PCDHA1: variants seen among roughly 807,000 people sequenced by gnomAD.
PCDHA1 encodes the protein protocadherin alpha-1.
PCDHA1 carries 42 observed loss-of-function variants against 61.3 expected under a neutral mutation model. That is an observed-to-expected ratio of 0.69 (90% CI 0.54 to 0.89). The LOEUF (loss-of-function observed/expected upper bound fraction) is 0.89. Ranked by LOEUF, PCDHA1 falls within the 40% of genes least tolerant of loss-of-function variation. PCDHA1 has a pLI of 0.00. For missense variants in PCDHA1, 1,256 were observed against 1,235.3 expected, an observed-to-expected ratio of 1.02 and a Z score of -0.25; for synonymous variants, 610 against 553.8, an observed-to-expected ratio of 1.10 and a Z score of -1.43.
At chr5:140,848,972 T>G in intron 1 of PCDHA1, 3 of 1,601,076 alleles carry the variant, frequency 1.9e-6, no homozygotes, top group Non-Finnish European at 2.6e-6. Context: ...GCGCGTCCGA[T>G]GCAGATATCG....
chr5:140,997,668 T>TGTGTG (rs2097778571), intron 3 of PCDHA1, among the ~76,000 whole-genome samples: 1 of 148,244 alleles, frequency 6.7e-6, no homozygotes, highest in African/African-American at 2.5e-5. Flanking sequence ...ATTATACAGC[T>TGTGTG]TGTGTGTGTG....
intron 1 of PCDHA1, among the ~76,000 whole-genome samples, chr5:140,846,505 G>A (rs1780519041): frequency 6.8e-6 from 1 of 146,968 alleles, no homozygotes; most frequent in Non-Finnish European, 1.5e-5. Flanking sequence ...CTCCCAAGTA[G>A]CTGGGATTAC....
rs2150240828 is a variant in PCDHA1 at position 140,835,651 on chromosome 5, T to C, written c.2394+46967T>C. The C allele has an allele frequency of 5.0e-6, 8 of 1,613,900 alleles. No individual in the cohort carries two copies. The Admixed American group carries it at 6.7e-5, about 13-fold the overall frequency. On this transcript the variant is annotated intron_variant, in intron 1 of 3. Transcript: ENST00000504120. ...CGCGAGAGTGTGTCCGCCTATGAGC[T>C]GGTGGTTACCGCGCGGGACGGGGGC...
chr5:140,862,449 G>A (rs904755604), intron 1 of PCDHA1: 31 of 364,384 alleles, frequency 8.5e-5, no homozygotes, highest in African/African-American at 6.4e-4. Context: ...ACTCCACAGC[G>A]CCCTGGACCA....
intron 1 of PCDHA1, chr5:140,881,383 G>C: frequency 1.0e-6 from 1 of 984,330 alleles, no homozygotes; most frequent in Non-Finnish European, 1.2e-6. Flanking sequence ...AGCCGGCGGC[G>C]GTAAGTTAAA....
chr5:140,908,778 C>G (rs1452710808), intron 1 of PCDHA1, among the ~76,000 whole-genome samples: 1 of 152,184 alleles, frequency 6.6e-6, no homozygotes, highest in Non-Finnish European at 1.5e-5. Flanking sequence ...GTAGAGTCTT[C>G]TCCTGTTCTG....
chr5:140,795,005 G>T (rs782163848), intron 1 of PCDHA1: 2 of 1,613,744 alleles, frequency 1.2e-6, no homozygotes, highest in Non-Finnish European at 1.7e-6. Flanking sequence ...GCCTGGACAC[G>T]GCTGCTCTCG....
At chr5:140,830,299 G>A (rs2150184675) in intron 1 of PCDHA1, 1 of 1,613,920 alleles carries the variant, frequency 6.2e-7, no homozygotes, top group South Asian at 1.1e-5. Context: ...CGGCGGACAA[G>A]CCCACGCTGG....
rs1349053689 is a variant in PCDHA1 at position 140,855,989 on chromosome 5, A to C, written c.2394+67305A>C. The C allele has an allele frequency of 3.4e-6, 5 of 1,484,810 alleles. No homozygotes were observed. The African/African-American group carries it at 7.0e-5, about 21-fold the overall frequency. The allele number at this position is 1,484,810 out of a possible 1,614,324, so 92.0% of individuals were successfully genotyped here. ...TATAAGAAATAGGACAGAAAATGTCAGATCGTATGTGCGTTCTAGACCGCT... is the reference window on the plus strand; with the variant it reads ...TATAAGAAATAGGACAGAAAATGTCCGATCGTATGTGCGTTCTAGACCGCT... On this transcript the variant is annotated intron_variant, in intron 1 of 3. Transcript: ENST00000504120.
chr5:140,838,953 TA>T (rs1215369641), intron 1 of PCDHA1, among the ~76,000 whole-genome samples: 1 of 151,860 alleles, frequency 6.6e-6, no homozygotes, highest in Non-Finnish European at 1.5e-5. Flanking sequence ...TAAAATAAAA[TA>T]AAAACCCAGA....
At chr5:140,964,212 A>G (rs1195642946) in intron 1 of PCDHA1, among the ~76,000 whole-genome samples, 11 of 152,244 alleles carry the variant, frequency 7.2e-5, no homozygotes, top group African/African-American at 2.7e-4. Flanking sequence ...TCTTTAGTAC[A>G]ATGTCTTTCA....
rs1038789772 is a variant in PCDHA1, at chr5:140,894,031, G to C, written c.2395-84918G>C. On this transcript the variant is annotated intron_variant, in intron 1 of 3. Transcript: ENST00000504120. ...TTCAAATTACCAGTTCTGCATACTG[G>C]TAATGTAAGTCCTCTGTTGAATTGA... Among the ~76,000 whole-genome samples, 3 of 152,204 alleles carry C rather than the reference G, an allele frequency of 2.0e-5. No homozygotes were observed. In the South Asian group the frequency reaches 6.2e-4, roughly 32 times the overall value.
At chr5:140,902,403 T>G (rs1554190429) in intron 1 of PCDHA1, among the ~76,000 whole-genome samples, 1 of 152,102 alleles carries the variant, frequency 6.6e-6, no homozygotes, top group African/African-American at 2.4e-5. Flanking sequence ...TTGAATACTA[T>G]GTTGAATAAC....
chr5:140,992,116 T>A (rs1279382326), intron 3 of PCDHA1, among the ~76,000 whole-genome samples: 1 of 151,688 alleles, frequency 6.6e-6, no homozygotes, highest in Non-Finnish European at 1.5e-5. Context: ...AGATGTGTCA[T>A]GGAAGAACAG....
chr5:140,930,768 C>G (rs1049798577), intron 1 of PCDHA1, among the ~76,000 whole-genome samples: 2 of 152,094 alleles, frequency 1.3e-5, no homozygotes, highest in South Asian at 2.1e-4. Context: ...ATTTTCTGTA[C>G]TTAATATTTT....
intron 1 of PCDHA1, chr5:140,850,732 G>A (rs1320738084): frequency 6.3e-7 from 1 of 1,597,840 alleles, no homozygotes; most frequent in Non-Finnish European, 8.6e-7. Context: ...AGCGCGGTGG[G>A]GAGTTGGTCG....
chr5:140,796,613 C>G (rs202245278), intron 1 of PCDHA1: 271 of 1,611,818 alleles, frequency 1.7e-4, no homozygotes, highest in Non-Finnish European at 4.0e-5. Flanking sequence ...AGCAACGTGA[C>G]GCTGCAGGTG....
rs1317761194 is a variant in PCDHA1 at position 140,848,794 on chromosome 5, C to T, written c.2394+60110C>T. The T allele has an allele frequency of 3.1e-6, 5 of 1,592,486 alleles. No homozygotes were observed. The African/African-American group carries it at 5.4e-5, about 17-fold the overall frequency. On this transcript the variant is annotated intron_variant, in intron 1 of 3. Transcript: ENST00000504120. ...CGCGAGGAGCTGTGCGGGCGGAGCG[C>T]GGAGTGCAGCATCCACCTGGAGGTG...
intron 1 of PCDHA1, among the ~76,000 whole-genome samples, chr5:140,975,996 C>G (rs923472287): frequency 4.6e-5 from 7 of 152,064 alleles, no homozygotes; most frequent in African/African-American, 1.7e-4. Flanking sequence ...GAGGTACCAT[C>G]TAAGTATTAA....
Sources: gnomAD v4.1 joint callset for allele counts (sites outside exome capture counted in the v4.1 genomes callset) on GRCh38, gnomAD v4.1.1 for gene constraint, MANE v1.5 for transcripts, NCBI Gene and HGNC (gene_info 2026-07-23, HGNC 2026-07-21) for gene names.